Variants in RSU1 observed in about 807,000 individuals in gnomAD.
RSU1 encodes the protein rsu-1.
RSU1 carries 26 observed loss-of-function variants against 31.1 expected under a neutral mutation model. The observed-to-expected ratio is 0.84, with a 90% CI of 0.61 to 1.16. RSU1 has a LOEUF of 1.16. RSU1 is among the 50% of genes most tolerant of loss of function. RSU1 has a pLI of 0.00. For synonymous variants in RSU1, 164 were observed against 136.3 expected (o/e 1.20, Z -1.41); for missense variants, 320 against 339.1 (o/e 0.94, Z 0.44).
chr10:16,812,799 T>C (rs995142622), intron 2 of RSU1, among the ~76,000 whole-genome samples: 2 of 151,708 alleles, frequency 1.3e-5, no homozygotes, highest in Non-Finnish European at 1.5e-5. Context: ...ATAAGAGAAA[T>C]GAAAGAAAGT....
At chr10:16,789,935 T>C (rs560619227) in intron 2 of RSU1, among the ~76,000 whole-genome samples, 1 of 152,306 alleles carries the variant, frequency 6.6e-6, no homozygotes, top group South Asian at 2.1e-4. Flanking sequence ...AATACTACAG[T>C]GCCTTGGTTA....
intron 3 of RSU1, among the ~76,000 whole-genome samples, chr10:16,779,590 T>G (rs1189570008): frequency 6.6e-6 from 1 of 152,026 alleles, no homozygotes; most frequent in African/African-American, 2.4e-5. Flanking sequence ...GAGAAAAACA[T>G]GAATACTTTT....
chr10:16,700,455 A>C (rs1202172667), intron 7 of RSU1, among the ~76,000 whole-genome samples: 1 of 152,198 alleles, frequency 6.6e-6, no homozygotes, highest in Admixed American at 6.5e-5. Context: ...AACAGCTGAA[A>C]GATCACCTCT....
chr10:16,636,756 C>T (rs1828997032), intron 8 of RSU1, among the ~76,000 whole-genome samples: 2 of 152,194 alleles, frequency 1.3e-5, no homozygotes, highest in Admixed American at 1.3e-4. Flanking sequence ...TTGCCAGTCC[C>T]ACTGTCTGAA....
intron 2 of RSU1, among the ~76,000 whole-genome samples, chr10:16,816,256 A>G (rs1269037022): frequency 6.6e-6 from 1 of 152,226 alleles, no homozygotes; most frequent in African/African-American, 2.4e-5. Context: ...TCTGAGTAGC[A>G]GGTGCAGCAG....
At chr10:16,750,137 T>C (rs1324080846) in intron 7 of RSU1, among the ~76,000 whole-genome samples, 1 of 152,210 alleles carries the variant, frequency 6.6e-6, no homozygotes, top group East Asian at 1.9e-4. Context: ...CCTTAATAGA[T>C]ACTACCTATT....
intron 7 of RSU1, among the ~76,000 whole-genome samples, chr10:16,737,721 C>G (rs1038264911): frequency 6.6e-6 from 1 of 151,220 alleles, no homozygotes; most frequent in Non-Finnish European, 1.5e-5. Context: ...AAACTTTTTC[C>G]TCCTCTCTAA....
intron 8 of RSU1, among the ~76,000 whole-genome samples, chr10:16,676,695 G>A (rs930273033): frequency 1.5e-4 from 23 of 152,138 alleles, no homozygotes; most frequent in Admixed American, 8.5e-4. Flanking sequence ...TGAGTGTCAC[G>A]TCAGCACTCA....
chr10:16,809,792 T>C (rs960930377), intron 2 of RSU1, among the ~76,000 whole-genome samples: 44 of 152,072 alleles, frequency 2.9e-4, no homozygotes, highest in African/African-American at 1.1e-3. Context: ...TCCATACCAA[T>C]TGTAGCATTG....
intron 3 of RSU1, among the ~76,000 whole-genome samples, chr10:16,766,333 C>T (rs1837314490): frequency 6.6e-6 from 1 of 152,248 alleles, no homozygotes; most frequent in Admixed American, 6.5e-5. Flanking sequence ...TACAGTGTGG[C>T]TGCAAATGTA....
chr10:16,766,536 G>C (rs1333063195), intron 3 of RSU1, among the ~76,000 whole-genome samples: 1 of 152,136 alleles, frequency 6.6e-6, no homozygotes, highest in Non-Finnish European at 1.5e-5. Flanking sequence ...CCAACACGGT[G>C]CAACTCTGAC....
chr10:16,743,021 C>T lies in RSU1; in HGVS notation c.598+9518G>A, dbSNP rs141341846. 1.4e-4 allele frequency among the ~76,000 whole-genome samples: 22 copies of T among 152,088 alleles called. No individual in the cohort carries two copies. In the East Asian group the frequency reaches 4.2e-3, roughly 29 times the overall value. ...AGTCATTTTTGATTATCAGTGAAGG[C>T]CAGGGGAATCAAAGGATATGGTATG... On this transcript the variant is annotated intron_variant, in intron 7 of 8. Coordinates refer to ENST00000345264, the MANE Select transcript of RSU1 (RefSeq NM_012425.4).
At chr10:16,620,331 T>C (rs2131477871) in intron 8 of RSU1, among the ~76,000 whole-genome samples, 1 of 152,246 alleles carries the variant, frequency 6.6e-6, no homozygotes, top group Non-Finnish European at 1.5e-5. Flanking sequence ...CGGAGTTTTC[T>C]TGAAAGGAAT....
chr10:16,710,735 G>T (rs749476127), intron 7 of RSU1, among the ~76,000 whole-genome samples: 19 of 151,930 alleles, frequency 1.3e-4, no homozygotes, highest in Non-Finnish European at 2.5e-4. Flanking sequence ...TGTTACATAG[G>T]TATACATGTG....
chr10:16,678,945 TAA>T (rs944049774), intron 8 of RSU1, among the ~76,000 whole-genome samples: 1 of 143,590 alleles, frequency 7.0e-6, no homozygotes, highest in Non-Finnish European at 1.5e-5. Context: ...AGATTTGAAT[TAA>T]AAAAAAAAAA....
At chr10:16,786,505 T>C (rs1050998119) in intron 2 of RSU1, among the ~76,000 whole-genome samples, 1 of 152,056 alleles carries the variant, frequency 6.6e-6, no homozygotes, top group African/African-American at 2.4e-5. Context: ...GAAATAATAT[T>C]TATAAGCCAA....
intron 5 of RSU1, 146 bp downstream of exon 5, chr10:16,754,725 C>T (rs187415189): frequency 6.5e-5 from 40 of 613,948 alleles, no homozygotes; most frequent in South Asian, 4.0e-4. Flanking sequence ...TGCTGAGCTA[C>T]GAAGGAATAT....
chr10:16,598,953 G>A (rs984014521), intron 8 of RSU1, among the ~76,000 whole-genome samples: 8 of 152,174 alleles, frequency 5.3e-5, no homozygotes, highest in Admixed American at 4.6e-4. Context: ...AAAGAACCAA[G>A]ACGCAGAGAG....
intron 4 of RSU1, among the ~76,000 whole-genome samples, chr10:16,759,858 A>G (rs1837172070): frequency 7.1e-6 from 1 of 141,624 alleles, no homozygotes; most frequent in African/African-American, 2.7e-5. Context: ...TACTATAAAA[A>G]CTTTGAAAGC....
Sources: allele counts gnomAD v4.1 joint callset (sites outside exome capture counted in the v4.1 genomes callset), GRCh38; gene constraint gnomAD v4.1.1; transcripts MANE v1.5; gene names NCBI Gene and HGNC (gene_info 2026-07-23, HGNC 2026-07-21).